VSIG2: variants seen among roughly 807,000 people sequenced by gnomAD.
VSIG2 encodes the protein V-set and immunoglobulin domain containing 2.
Under a neutral mutation model 29.4 loss-of-function variants are expected in VSIG2, and 30 were observed. The observed-to-expected ratio is 1.02, with a 90% CI of 0.76 to 1.38. VSIG2 has a LOEUF of 1.38. Among genes scored for constraint, VSIG2 ranks in the 40% most tolerant of loss-of-function variants. The pLI, the probability that VSIG2 is intolerant of heterozygous loss-of-function variation, is 0.00. For synonymous variants in VSIG2, 178 were observed against 174.2 expected, an observed-to-expected ratio of 1.02 and a Z score of -0.17; for missense variants, 421 against 400.8, an observed-to-expected ratio of 1.05 and a Z score of -0.43.
intron 4 of VSIG2, among the ~76,000 whole-genome samples, 187 bp downstream of exon 4, chr11:124,749,521 T>C (rs1469172998): frequency 2.0e-5 from 3 of 152,066 alleles, no homozygotes; most frequent in African/African-American, 7.2e-5. Context: ...CCCAGGATCA[T>C]GCAGCCACAG....
In VSIG2 at chr11:124,750,803, G is replaced by A; in HGVS notation, c.338C>T (p.Pro113Leu). ...VATLKLTDVH[P>L]SDTGTYLCQV... ...GCAGAGGTAGGTTCCAGTATCTGAG[G>A]GGTGGACGTCAGTCAGTTTCAGTGT... The change falls in exon 3 of 7, where the codon CCC (proline) becomes CTC (leucine). Residue 113 changes from proline (P) to leucine (L), a missense_variant. By Grantham distance (98) the Pro-to-Leu change is moderately conservative. Coordinates refer to ENST00000326621, the MANE Select transcript of VSIG2 (RefSeq NM_014312.5). The A allele has an allele frequency of 6.2e-7, 1 of 1,614,116 alleles. No homozygotes were observed. Among genetic ancestry groups the A allele is most frequent in the Non-Finnish European group, 8.5e-7 (1 of 1,180,016 alleles).
At chr11:124,747,955 A>C (rs1311623091) in intron 6 of VSIG2, among the ~76,000 whole-genome samples, 1 of 152,084 alleles carries the variant, frequency 6.6e-6, no homozygotes, top group African/African-American at 2.4e-5. Context: ...CCTGACTGGC[A>C]GCTAAAGTGG....
chr11:124,747,529 G>A lies in VSIG2; in HGVS notation c.*6C>T. On this transcript the variant is annotated 3_prime_UTR_variant, in exon 7 of 7. Coordinates refer to ENST00000326621, the MANE Select transcript of VSIG2 (RefSeq NM_014312.5). The stretch of plus-strand genomic sequence containing the variant: ...CCCCCTCACCGCCCTCAGGGATCGG[G>A]AGAAGTCACACGACCATAGGGAGCT... 2 of 1,606,142 alleles carry A rather than the reference G, an allele frequency of 1.2e-6. No individual in the cohort carries two copies. Among genetic ancestry groups the A allele is most frequent in the Admixed American group, 1.7e-5 (1 of 57,908 alleles).
intron 3 of VSIG2, 27 bp from the exon 4 acceptor site, chr11:124,749,893 A>AAAAAAG: frequency 6.6e-7 from 1 of 1,524,318 alleles, no homozygotes; most frequent in Non-Finnish European, 8.8e-7. Flanking sequence ...AAAAAAAAAA[A>AAAAAAG]AACAGAAAGT....
chr11:124,748,176 C>T, intron 6 of VSIG2: 1 of 543,944 alleles, frequency 1.8e-6, no homozygotes, highest in East Asian at 3.1e-5. Context: ...GCTTCCCTGC[C>T]ACAGCTTGTG....
intron 3 of VSIG2, 33 bp from the exon 4 acceptor site, chr11:124,749,899 A>G (rs1944065737): frequency 4.0e-6 from 6 of 1,500,722 alleles, no homozygotes; most frequent in African/African-American, 1.5e-5. Context: ...AAAAAAACAG[A>G]AAGTTCCTCA....
intron 3 of VSIG2, 30 bp from the exon 4 acceptor site, chr11:124,749,896 CAGAA>C: frequency 6.0e-6 from 4 of 663,032 alleles, no homozygotes; most frequent in Admixed American, 7.4e-5. Flanking sequence ...AAAAAAAAAA[CAGAA>C]AGTTCCTCAG....
chr11:124,749,895 A>AACAAAAAAAAAC lies in VSIG2; in HGVS notation c.428-30_428-29insGTTTTTTTTTGT, dbSNP rs1555108821. ...CAAAAAAAAAAAAAAAAAAAAAAAAACAGAAAGTTCCTCAGCAATCTTCCA... is the reference window on the plus strand; with the variant it reads ...CAAAAAAAAAAAAAAAAAAAAAAAAAACAAAAAAAAACCAGAAAGTTCCTCAGCAATCTTCCA... On this transcript the variant is annotated intron_variant, in intron 3 of 6. Transcript: ENST00000326621. 6.3e-5 allele frequency: 94 copies of AACAAAAAAAAAC among 1,485,756 alleles called. No homozygotes were observed. In the African/African-American group the frequency reaches 9.2e-4, roughly 14 times the overall value. 92.0% of individuals were successfully genotyped at this position (1,485,756 alleles called of 1,614,324 possible).
intron 3 of VSIG2, 89 bp from the exon 4 acceptor site, chr11:124,749,955 C>T: frequency 7.4e-7 from 1 of 1,354,886 alleles, no homozygotes; most frequent in African/African-American, 1.5e-5. Flanking sequence ...GCTACATTCT[C>T]TACTTCAATA....
At chr11:124,750,971 A>T in intron 2 of VSIG2, 50 bp from the exon 3 acceptor site, 1 of 1,586,852 alleles carries the variant, frequency 6.3e-7, no homozygotes, top group Non-Finnish European at 8.6e-7. Flanking sequence ...GCCTGGCATC[A>T]ACTCTACAGT....
chr11:124,752,227 A>G lies in VSIG2; in HGVS notation c.-90T>C. 7.3e-7 allele frequency: 1 copy of G among 1,373,382 alleles called. No homozygotes were observed. Among genetic ancestry groups the G allele is most frequent in the East Asian group, 2.6e-5 (1 of 39,140 alleles). The allele number at this position is 1,373,382 out of a possible 1,614,324, so 85.1% of individuals were successfully genotyped here. A position where few individuals can be genotyped will look rare whatever the true frequency, so the allele number is the denominator to read the frequency against. ...GGCAGGGAAGGGAGCACCCAAGGGC[A>G]GCCGCCCGGGCTGGGCAGGAGCGAG... On this transcript the variant is annotated 5_prime_UTR_variant, in exon 1 of 7. Coordinates refer to ENST00000326621, the MANE Select transcript of VSIG2 (RefSeq NM_014312.5).
In VSIG2 at chr11:124,748,732, G is replaced by C. The variant is rs745761096; in HGVS notation, c.618C>G (p.Asn206Lys). 1 of 1,614,094 alleles carries C rather than the reference G, an allele frequency of 6.2e-7. No individual in the cohort carries two copies. The highest frequency in any genetic ancestry group is 1.3e-5 in the African/African-American group (1 of 74,928). ...AGGTGCCCGAGGAGGTCAGGGAGAG[G>C]TTGGTGAGAATGAGCTGGCCAGACA... Reference protein sequence around the residue: ...DEVSGQLILTNLSLTSSGTYR... With the variant: ...DEVSGQLILTKLSLTSSGTYR... Residue 206 changes from asparagine (N) to lysine (K), a missense_variant, in exon 5 of 7, where the codon AAC (asparagine) becomes AAG (lysine). By Grantham distance (94) the Asn-to-Lys change is moderately conservative (BLOSUM62 0). Transcript: ENST00000326621.
At chr11:124,749,938 A>G (rs1944066178) in intron 3 of VSIG2, 72 bp from the exon 4 acceptor site, 1 of 1,432,902 alleles carries the variant, frequency 7.0e-7, no homozygotes. Context: ...TCCCAACTCC[A>G]TTAGGTGCTA....
Position 124,751,709 on chromosome 11 carries a change from C to T in VSIG2, c.62-129G>A. 4 of 1,077,580 alleles carry T rather than the reference C, an allele frequency of 3.7e-6. No individual in the cohort carries two copies. In the Admixed American group the frequency reaches 8.9e-5, roughly 24 times the overall value. The allele number at this position is 1,077,580 out of a possible 1,614,324, so 66.8% of individuals were successfully genotyped here. On this transcript the variant is annotated intron_variant, in intron 1 of 6. Transcript: ENST00000326621. ...AGAGCACAACCCTCTCCCCTCAATC[C>T]AACCCCTCCCTTCCCAAAACCTGAG...
chr11:124,748,866 G>A, intron 4 of VSIG2, 103 bp from the exon 5 acceptor site: 1 of 1,570,922 alleles, frequency 6.4e-7, no homozygotes, highest in Non-Finnish European at 8.7e-7. Flanking sequence ...CTGTCAGGGA[G>A]CAACTAATTT....
At chr11:124,748,144 G>T in intron 6 of VSIG2, 1 of 507,746 alleles carries the variant, frequency 2.0e-6, no homozygotes, top group Non-Finnish European at 3.4e-6. Flanking sequence ...ATATGAGGAG[G>T]GGCAGGGCAG....
chr11:124,748,036 A>T, intron 6 of VSIG2: 1 of 365,392 alleles, frequency 2.7e-6, no homozygotes. Flanking sequence ...CTGACTGCTC[A>T]GGACAAATCC....
chr11:124,750,086 G>A (rs1309501403), intron 3 of VSIG2, among the ~76,000 whole-genome samples: 1 of 152,152 alleles, frequency 6.6e-6, no homozygotes, highest in Non-Finnish European at 1.5e-5. Flanking sequence ...GAGCCAAAAT[G>A]TGTGTTAACA....
Position 124,749,885 on chromosome 11 carries a change from A to AAAAAAACAAAAAAAAAC in VSIG2, c.428-20_428-19insGTTTTTTTTTGTTTTTT. 7.1e-7 allele frequency: 1 copy of AAAAAAACAAAAAAAAAC among 1,417,532 alleles called. No homozygotes were observed. Among genetic ancestry groups the AAAAAAACAAAAAAAAAC allele is most frequent in the African/African-American group, 1.9e-5 (1 of 53,588 alleles). The allele number at this position is 1,417,532 out of a possible 1,614,324, so 87.8% of individuals were successfully genotyped here. On this transcript the variant is annotated intron_variant, in intron 3 of 6. Transcript: ENST00000326621. ...GGGGGAACTGCAAAAAAAAAAAAAAAAAAAAAAAAACAGAAAGTTCCTCAG... is the reference window on the plus strand; with the variant it reads ...GGGGGAACTGCAAAAAAAAAAAAAAAAAAAAACAAAAAAAAACAAAAAAAAAACAGAAAGTTCCTCAG...
Sources: allele counts gnomAD v4.1 joint callset (sites outside exome capture counted in the v4.1 genomes callset), GRCh38; gene constraint gnomAD v4.1.1; transcripts MANE v1.5; gene names NCBI Gene and HGNC (gene_info 2026-07-23, HGNC 2026-07-21).